Variants in DAB1 observed in about 807,000 individuals in gnomAD.
The protein encoded by DAB1 is DAB adaptor protein 1.
In DAB1, 15 loss-of-function variants were observed where a neutral mutation model predicts 64.6. The observed-to-expected ratio is 0.23, with a 90% CI of 0.16 to 0.36. DAB1 has a LOEUF of 0.36. Among genes scored for constraint, DAB1 ranks in the 10% least tolerant of loss-of-function variants. The pLI is 1.00. For synonymous variants in DAB1, 235 were observed against 251.9 expected, an observed-to-expected ratio of 0.93 and a Z score of 0.64; for missense variants, 596 against 706.7, an observed-to-expected ratio of 0.84 and a Z score of 1.78.
At chr1:58,452,751 C>T (rs1645151885) in intron 3 of DAB1, among the ~76,000 whole-genome samples, 1 of 151,690 alleles carries the variant, frequency 6.6e-6, no homozygotes, top group African/African-American at 2.4e-5. Flanking sequence ...TCACTTGAAC[C>T]CGGGAGGTGG....
At chr1:57,353,377 C>T (rs1678774426) in intron 1 of DAB1, among the ~76,000 whole-genome samples, 1 of 152,192 alleles carries the variant, frequency 6.6e-6, no homozygotes, top group South Asian at 2.1e-4. Flanking sequence ...TATGGTTTTC[C>T]ATTCCTTGTT....
chr1:57,263,430 C>G (rs1558048811), intron 2 of DAB1, among the ~76,000 whole-genome samples: 1 of 152,118 alleles, frequency 6.6e-6, no homozygotes. Context: ...GAAGATACAA[C>G]TTTTTTACTG....
At chr1:58,097,335 C>A (rs1776184) in intron 5 of DAB1, among the ~76,000 whole-genome samples, 1 of 152,046 alleles carries the variant, frequency 6.6e-6, no homozygotes, top group Admixed American at 6.5e-5. Flanking sequence ...CTGACTGTTA[C>A]AAGAAAGACA....
chr1:57,077,279 G>A (rs908309598), intron 4 of DAB1, among the ~76,000 whole-genome samples: 2 of 152,174 alleles, frequency 1.3e-5, no homozygotes, highest in African/African-American at 4.8e-5. Flanking sequence ...TCTCCTTCAG[G>A]AATGTTAGGC....
At chr1:58,062,306 AC>A (rs1648552185) in intron 5 of DAB1, among the ~76,000 whole-genome samples, 1 of 152,226 alleles carries the variant, frequency 6.6e-6, no homozygotes, top group Non-Finnish European at 1.5e-5. Context: ...GGTAGAGGTC[AC>A]AGACCTCATA....
At chr1:58,032,036 G>GTGTGTGTC (rs1553154220) in intron 5 of DAB1, among the ~76,000 whole-genome samples, 2 of 129,956 alleles carry the variant, frequency 1.5e-5, no homozygotes, top group Non-Finnish European at 3.3e-5. Flanking sequence ...GTGTGTGTGT[G>GTGTGTGTC]TGTTTAATCT....
chr1:57,247,098 G>A (rs1471121237), intron 2 of DAB1, among the ~76,000 whole-genome samples: 1 of 152,152 alleles, frequency 6.6e-6, no homozygotes, highest in East Asian at 1.9e-4. Context: ...TGCTGGGAAG[G>A]CATGATTAGT....
chr1:57,445,646 C>T (rs571184614), intron 7 of DAB1, among the ~76,000 whole-genome samples: 7 of 152,166 alleles, frequency 4.6e-5, no homozygotes, highest in Non-Finnish European at 7.4e-5. Flanking sequence ...GAGAGAATAT[C>T]GACATTAGAT....
At chr1:58,152,179 G>A (rs996528233) in intron 4 of DAB1, among the ~76,000 whole-genome samples, 4 of 152,056 alleles carry the variant, frequency 2.6e-5, no homozygotes, top group Non-Finnish European at 4.4e-5. Flanking sequence ...GGATACACAC[G>A]GAAAGGGAAA....
At chr1:58,233,777 G>GA (rs1450405217) in intron 4 of DAB1, among the ~76,000 whole-genome samples, 2 of 152,062 alleles carry the variant, frequency 1.3e-5, no homozygotes, top group African/African-American at 4.8e-5. Flanking sequence ...ATAAGAATTT[G>GA]AAATCAAAAA....
At chr1:57,011,003 GC>G in intron 13 of DAB1, 141 bp downstream of exon 13, 1 of 1,122,586 alleles carries the variant, frequency 8.9e-7, no homozygotes, top group East Asian at 2.4e-5. Context: ...ACAAAAGAAA[GC>G]CCCTTTAGCA....
chr1:58,230,613 C>T (rs191822147), intron 4 of DAB1, among the ~76,000 whole-genome samples: 1 of 152,310 alleles, frequency 6.6e-6, no homozygotes, highest in East Asian at 1.9e-4. Context: ...GAAGTAGAAG[C>T]CCCTGGTATA....
intron 2 of DAB1, among the ~76,000 whole-genome samples, chr1:57,244,306 A>G (rs1019516376): frequency 3.3e-5 from 5 of 152,260 alleles, no homozygotes; most frequent in Non-Finnish European, 7.3e-5. Flanking sequence ...ATACAGTGTT[A>G]GGCACATTTA....
chr1:57,005,134 G>A (rs1006483338), intron 14 of DAB1, among the ~76,000 whole-genome samples: 1 of 152,116 alleles, frequency 6.6e-6, no homozygotes, highest in African/African-American at 2.4e-5. Flanking sequence ...GGGGTCTTGG[G>A]TGCTGAAATC....
intron 1 of DAB1, among the ~76,000 whole-genome samples, chr1:57,401,739 C>T (rs570544312): frequency 5.3e-5 from 8 of 152,272 alleles, no homozygotes; most frequent in South Asian, 2.1e-4. Flanking sequence ...TTCCGACAGA[C>T]CTGAGATTAG....
In DAB1 at chr1:57,926,249, G is replaced by C. The variant is rs925900486; in HGVS notation, n.388-42087C>G. On this transcript the variant is annotated intron_variant and non_coding_transcript_variant, in intron 5 of 20. Coordinates refer to the DAB1 transcript ENST00000485760. The stretch of plus-strand genomic sequence containing the variant: ...CCATTGTGAGGATGGATTGTTTCCT[G>C]ACGTCCATAAAACTCTCTGAGTTCC... 2.7e-5 allele frequency among the ~76,000 whole-genome samples: 4 copies of C among 147,992 alleles called. 1 individual carries two copies. The South Asian group carries it at 8.5e-4, about 31-fold the overall frequency.
At chr1:58,499,618 T>C (rs1310694663) in intron 3 of DAB1, among the ~76,000 whole-genome samples, 1 of 152,190 alleles carries the variant, frequency 6.6e-6, no homozygotes, top group Non-Finnish European at 1.5e-5. Flanking sequence ...ATGTACTGTA[T>C]ATTTGAAAAT....
upstream of DAB1, among the ~76,000 whole-genome samples, chr1:57,424,393 C>A (rs987210822): frequency 2.0e-5 from 3 of 151,840 alleles, no homozygotes; most frequent in Non-Finnish European, 2.9e-5. Flanking sequence ...GCCTCTGGAG[C>A]CCCTGCACTC....
chr1:58,180,281 C>CTTTTTTTTTTTTT (rs869204611), intron 4 of DAB1, among the ~76,000 whole-genome samples: 63 of 61,036 alleles, frequency 1.0e-3, no homozygotes, highest in East Asian at 1.6e-3. Flanking sequence ...TTTTTCTTTT[C>CTTTTTTTTTTTTT]TTTTTTTTTT....
Sources: gnomAD v4.1 joint callset for allele counts (sites outside exome capture counted in the v4.1 genomes callset) on GRCh38, gnomAD v4.1.1 for gene constraint, MANE v1.5 for transcripts, NCBI Gene and HGNC (gene_info 2026-07-23, HGNC 2026-07-21) for gene names.